The following PTPDC1 variants were observed in gnomAD, a reference collection of about 807,000 sequenced individuals.
PTPDC1 encodes protein tyrosine phosphatase domain containing 1, also known as protein tyrosine phosphatase domain-containing protein 1.
PTPDC1 carries 53 observed loss-of-function variants against 75.3 expected under a neutral mutation model. The ratio of observed to expected loss-of-function variants is 0.70; its 90% CI spans 0.56 to 0.88. PTPDC1 has a LOEUF of 0.88. Ranked by LOEUF, PTPDC1 falls within the 40% of genes least tolerant of loss-of-function variation. The pLI, the probability that PTPDC1 is intolerant of heterozygous loss-of-function variation, is 0.00. For synonymous variants in PTPDC1, 349 were observed against 366.2 expected (o/e 0.95, Z 0.54); for missense variants, 925 against 998.6 (o/e 0.93, Z 0.99).
Position 94,108,555 on chromosome 9 carries a change from C to T in PTPDC1, c.*611C>T, listed in dbSNP as rs1437973900. Reference sequence around the variant, plus strand: ...TATTTTTCAGAGAGATTTAGTTTTACTTTAATGGAGTGACTGTGAAGTGGT... The same window carrying T: ...TATTTTTCAGAGAGATTTAGTTTTATTTTAATGGAGTGACTGTGAAGTGGT... On this transcript the variant is annotated 3_prime_UTR_variant, in exon 9 of 9. Transcript: ENST00000620992. 2 of 152,392 alleles carry T rather than the reference C, an allele frequency of 1.3e-5. No homozygotes were observed. The highest frequency in any genetic ancestry group is 3.9e-4 in the East Asian group (2 of 5,192). The allele number at this position is 152,392 out of a possible 1,614,324, so 9.4% of individuals were successfully genotyped here.
Position 94,030,999 on chromosome 9 carries a change from C to A in PTPDC1, c.-135C>A, listed in dbSNP as rs543779652. 2.3e-3 allele frequency: 357 copies of A among 152,278 alleles called. 2 individuals carry two copies. Among genetic ancestry groups the A allele is most frequent in the African/African-American group, 8.2e-3 (341 of 41,578 alleles). The allele number at this position is 152,278 out of a possible 1,614,324, so 9.4% of individuals were successfully genotyped here. On this transcript the variant is annotated 5_prime_UTR_variant, in exon 1 of 10. Transcript: ENST00000375360. Reference sequence around the variant, plus strand: ...TGCCCTCGGGCCCGCTACCCACAGACCCTCCGCGGGGCAGCGTCTCCGGGC... The same window carrying A: ...TGCCCTCGGGCCCGCTACCCACAGAACCTCCGCGGGGCAGCGTCTCCGGGC...
chr9:94,044,967 A>G (rs1825543823), intron 1 of PTPDC1, among the ~76,000 whole-genome samples: 1 of 146,678 alleles, frequency 6.8e-6, no homozygotes, highest in Non-Finnish European at 1.5e-5. Flanking sequence ...AGCATTAGGT[A>G]TATCTACTAA....
intron 4 of PTPDC1, among the ~76,000 whole-genome samples, chr9:94,094,951 G>A (rs527761224): frequency 3.1e-4 from 47 of 152,352 alleles, no homozygotes; most frequent in African/African-American, 1.1e-3. Flanking sequence ...CACGGTGCGT[G>A]CGCCCACTGA....
intron 1 of PTPDC1, among the ~76,000 whole-genome samples, chr9:94,048,258 GT>G (rs1825678588): frequency 6.6e-6 from 1 of 152,042 alleles, no homozygotes; most frequent in Non-Finnish European, 1.5e-5. Flanking sequence ...TTTTGAATTT[GT>G]TTGTTCTTGC....
chr9:94,052,340 A>C (rs1363547768), intron 1 of PTPDC1, among the ~76,000 whole-genome samples: 2 of 151,936 alleles, frequency 1.3e-5, no homozygotes, highest in African/African-American at 4.8e-5. Flanking sequence ...ACTTTCTATT[A>C]TTTCTCTTCT....
At chr9:94,103,019 C>CACAA (rs1191347386) in intron 7 of PTPDC1, among the ~76,000 whole-genome samples, 1 of 92,318 alleles carries the variant, frequency 1.1e-5, no homozygotes, top group East Asian at 3.4e-4. Context: ...CACACACACA[C>CACAA]ACGGACACAT....
upstream of PTPDC1, among the ~76,000 whole-genome samples, chr9:94,083,125 T>C (rs1415733616): frequency 6.6e-6 from 1 of 152,172 alleles, no homozygotes; most frequent in African/African-American, 2.4e-5. Context: ...AGATAGCAAA[T>C]ACACAGCTCC....
rs1828102707 is a variant in PTPDC1, at chr9:94,108,579, G to T, written c.*635G>T. On this transcript the variant is annotated 3_prime_UTR_variant, in exon 9 of 9. Coordinates refer to ENST00000620992, the MANE Select transcript of PTPDC1 (RefSeq NM_001253829.2). ...ACTTTAATGGAGTGACTGTGAAGTG[G>T]TTGGGATTTTTTGCTTGTAGAAAGT... 1 of 152,228 alleles carries T rather than the reference G, an allele frequency of 6.6e-6. No homozygotes were observed. Among genetic ancestry groups the T allele is most frequent in the Non-Finnish European group, 1.5e-5 (1 of 68,006 alleles). The allele number at this position is 152,228 out of a possible 1,614,324, so 9.4% of individuals were successfully genotyped here. A position where few individuals can be genotyped will look rare whatever the true frequency, so the allele number is the denominator to read the frequency against.
At position 94,096,482 on chromosome 9, in the gene PTPDC1, G is replaced by A. The variant is rs571192984; in HGVS notation, c.755-839G>A. Among the ~76,000 whole-genome samples the A allele has an allele frequency of 2.6e-5, 4 of 152,066 alleles. No homozygotes were observed. In the South Asian group the frequency reaches 8.3e-4, roughly 32 times the overall value. On this transcript the variant is annotated intron_variant, in intron 5 of 8. Transcript: ENST00000620992. ...TGTAACAAGATGTTCACAAACTTGG[G>A]GATCACACAGGTGTATTTGATTTGC...
intron 4 of PTPDC1, among the ~76,000 whole-genome samples, chr9:94,090,989 A>T (rs992957430): frequency 6.6e-6 from 1 of 152,140 alleles, no homozygotes; most frequent in Non-Finnish European, 1.5e-5. Flanking sequence ...GGCTTGAGAC[A>T]ATGGGGTTTT....
intron 2 of PTPDC1, among the ~76,000 whole-genome samples, chr9:94,087,100 C>T (rs945897430): frequency 6.6e-6 from 1 of 152,194 alleles, no homozygotes; most frequent in Non-Finnish European, 1.5e-5. Context: ...TCATGTAAGT[C>T]ACTACCCATT....
intron 1 of PTPDC1, among the ~76,000 whole-genome samples, chr9:94,045,433 T>A (rs1246002475): frequency 5.3e-5 from 8 of 152,192 alleles, no homozygotes; most frequent in Non-Finnish European, 1.2e-4. Context: ...ACTTCCACAA[T>A]GGTTGAACTA....
intron 4 of PTPDC1, among the ~76,000 whole-genome samples, chr9:94,092,240 T>C (rs1000838745): frequency 2.0e-5 from 3 of 147,942 alleles, no homozygotes; most frequent in African/African-American, 7.6e-5. Context: ...AATTTCCCTC[T>C]ACACACTGCT....
chr9:94,090,388 G>A (rs2118007310), intron 4 of PTPDC1, among the ~76,000 whole-genome samples: 1 of 151,350 alleles, frequency 6.6e-6, no homozygotes, highest in Non-Finnish European at 1.5e-5. Flanking sequence ...TCAGATAGCT[G>A]TAGATATGTG....
At chr9:94,067,839 T>C (rs1587865506) in intron 2 of PTPDC1, among the ~76,000 whole-genome samples, 1 of 152,184 alleles carries the variant, frequency 6.6e-6, no homozygotes. Flanking sequence ...TGGCCTCAGG[T>C]GATCCACCTA....
chr9:94,073,039 G>C (rs1000399779), intron 2 of PTPDC1, among the ~76,000 whole-genome samples: 3 of 152,136 alleles, frequency 2.0e-5, no homozygotes, highest in African/African-American at 2.4e-5. Flanking sequence ...CCCATAAAAG[G>C]AGGTGGGAAA....
At chr9:94,050,525 A>G (rs1367017255) in intron 1 of PTPDC1, among the ~76,000 whole-genome samples, 3 of 152,244 alleles carry the variant, frequency 2.0e-5, no homozygotes, top group Admixed American at 6.5e-5. Flanking sequence ...GCTGCAGAAC[A>G]GCGATATTGC....
intron 1 of PTPDC1, among the ~76,000 whole-genome samples, chr9:94,036,418 T>G (rs1825272055): frequency 6.6e-6 from 1 of 152,154 alleles, no homozygotes. Flanking sequence ...CATGTAAGTA[T>G]CTAGTTTTCC....
chr9:94,066,012 G>A (rs1587863101), intron 2 of PTPDC1, among the ~76,000 whole-genome samples: 1 of 152,132 alleles, frequency 6.6e-6, no homozygotes, highest in Admixed American at 6.6e-5. Context: ...CTTAGTTGGT[G>A]TTTCTCAATG....
Sources: allele counts gnomAD v4.1 joint callset (sites outside exome capture counted in the v4.1 genomes callset), GRCh38; gene constraint gnomAD v4.1.1; transcripts MANE v1.5; gene names NCBI Gene and HGNC (gene_info 2026-07-23, HGNC 2026-07-21).